The following ACSM2B variants were observed in gnomAD, a reference collection of about 807,000 sequenced individuals.
ACSM2B encodes the protein acyl-coenzyme A synthetase ACSM2B, mitochondrial.
A neutral mutation model predicts 78.6 loss-of-function variants in ACSM2B; 58 were observed. The ratio of observed to expected loss-of-function variants is 0.74; its 90% confidence interval spans 0.60 to 0.92. The LOEUF is 0.92. ACSM2B is among the 40% of genes least tolerant of loss of function. The pLI is 0.00. For missense variants in ACSM2B, 688 were observed against 711.2 expected, an observed-to-expected ratio of 0.97 and a Z score of 0.37; for synonymous variants, 257 against 256.8, an observed-to-expected ratio of 1.00 and a Z score of -0.01.
intron 5 of ACSM2B, among the ~76,000 whole-genome samples, chr16:20,553,177 T>G (rs2015371368): frequency 6.6e-6 from 1 of 152,178 alleles, no homozygotes; most frequent in African/African-American, 2.4e-5. Flanking sequence ...TATCTTCCCA[T>G]TCTAATAATA....
intron 11 of ACSM2B, 51 bp downstream of exon 11, chr16:20,543,084 A>C (rs1486068428): frequency 6.2e-7 from 1 of 1,613,422 alleles, no homozygotes; most frequent in Non-Finnish European, 8.5e-7. Flanking sequence ...GTCTGGAACC[A>C]GCCAGAGTAA....
chr16:20,559,983 CTACT>C (rs2015603164), intron 2 of ACSM2B, among the ~76,000 whole-genome samples: 2 of 150,934 alleles, frequency 1.3e-5, no homozygotes, highest in African/African-American at 5.0e-5. Context: ...TTATCTCTAT[CTACT>C]TACTTTTTTT....
At chr16:20,573,814 G>A (rs562689157) in intron 1 of ACSM2B, among the ~76,000 whole-genome samples, 123 of 152,158 alleles carry the variant, frequency 8.1e-4, no homozygotes, top group Middle Eastern at 6.8e-3. Flanking sequence ...GAGGGTGTAC[G>A]AACAGGGAGT....
rs1322883295 is a variant in ACSM2B, at chr16:20,563,337, T to A, written c.177+1332A>T. On this transcript the variant is annotated intron_variant, in intron 2 of 13. Transcript: ENST00000329697. Reference sequence around the variant, plus strand: ...ATACTTTGCCTGGTTTTATAATGAATTGCACCTTTTTATTCTTGGTTTCTA... The same window carrying A: ...ATACTTTGCCTGGTTTTATAATGAAATGCACCTTTTTATTCTTGGTTTCTA... Among the ~76,000 whole-genome samples, 5 of 152,308 alleles carry A rather than the reference T, an allele frequency of 3.3e-5. No individual in the cohort carries two copies. The East Asian group carries it at 9.7e-4, about 29-fold the overall frequency.
rs2016246179 is a variant in ACSM2B, at chr16:20,576,237, A to T, written c.-39T>A. On this transcript the variant is annotated 5_prime_UTR_variant, in exon 1 of 14. Coordinates refer to ENST00000329697, the MANE Select transcript of ACSM2B (RefSeq NM_001105069.2). The stretch of plus-strand genomic sequence containing the variant: ...AAGTCCTCTCAGGATGTCTTTCTGG[A>T]GAGAGCTTCGTCCACCCTCCTCTCC... The T allele has an allele frequency of 6.6e-6, 1 of 151,824 alleles. No individual in the cohort carries two copies. The highest frequency in any genetic ancestry group is 2.4e-5 in the African/African-American group (1 of 41,054). 9.4% of individuals were successfully genotyped at this position (151,824 alleles called of 1,614,324 possible).
intron 6 of ACSM2B, among the ~76,000 whole-genome samples, chr16:20,551,746 G>T (rs1275710473): frequency 6.6e-6 from 1 of 152,050 alleles, no homozygotes; most frequent in Non-Finnish European, 1.5e-5. Flanking sequence ...AAATAAAAAA[G>T]GAAATGAAAT....
chr16:20,569,388 AT>A (rs1193297003), intron 1 of ACSM2B, among the ~76,000 whole-genome samples: 1 of 151,808 alleles, frequency 6.6e-6, no homozygotes, highest in Middle Eastern at 3.2e-3. Context: ...ATTTGGGTTT[AT>A]TTCTGGGTTC....
intron 2 of ACSM2B, among the ~76,000 whole-genome samples, chr16:20,564,103 A>T (rs1229124841): frequency 6.6e-6 from 1 of 151,896 alleles, no homozygotes; most frequent in African/African-American, 2.4e-5. Context: ...TTCAGTGCTG[A>T]TTTGCCCCCC....
chr16:20,547,556 T>A, intron 8 of ACSM2B: 1 of 982,330 alleles, frequency 1.0e-6, no homozygotes, highest in Non-Finnish European at 1.2e-6. Context: ...TAAATCCACA[T>A]TGTGCACATG....
chr16:20,566,674 TAC>T (rs1345889622), intron 1 of ACSM2B, among the ~76,000 whole-genome samples: 195 of 15,798 alleles, frequency 0.012, 7 homozygotes, highest in Middle Eastern at 0.056. Context: ...ATATAGTATA[TAC>T]ATATAGTATA....
chr16:20,544,559 A>G (rs1457966128), intron 10 of ACSM2B: 1 of 981,618 alleles, frequency 1.0e-6, no homozygotes, highest in African/African-American at 1.7e-5. Flanking sequence ...TTAGTTTATT[A>G]GTCAATTATC....
intron 1 of ACSM2B, among the ~76,000 whole-genome samples, chr16:20,567,804 AG>A (rs2015972179): frequency 7.1e-6 from 1 of 141,222 alleles, no homozygotes; most frequent in African/African-American, 2.6e-5. Context: ...GATATATAAT[AG>A]TATGGTATGT....
chr16:20,562,467 T>C (rs2015691769), intron 2 of ACSM2B, among the ~76,000 whole-genome samples: 1 of 152,204 alleles, frequency 6.6e-6, no homozygotes, highest in Non-Finnish European at 1.5e-5. Flanking sequence ...CCTCACAGCC[T>C]TGCTAATAGA....
chr16:20,560,172 C>A (rs1313997019), intron 2 of ACSM2B, among the ~76,000 whole-genome samples: 2 of 150,930 alleles, frequency 1.3e-5, no homozygotes, highest in African/African-American at 4.9e-5. Flanking sequence ...ACCTGTCATC[C>A]CCTCTCCCAT....
chr16:20,560,626 A>G (rs2015623890), intron 2 of ACSM2B, among the ~76,000 whole-genome samples: 1 of 152,016 alleles, frequency 6.6e-6, no homozygotes, highest in Non-Finnish European at 1.5e-5. Flanking sequence ...TTACAGCAAC[A>G]CAAGAACAGT....
rs373797306 is a variant in ACSM2B at position 20,545,060 on chromosome 16, A to G, written c.1281+97T>C. The G allele has an allele frequency of 2.5e-4, 362 of 1,436,832 alleles. 1 individual carries two copies. The African/African-American group carries it at 2.6e-3, about 10-fold the overall frequency. 89.0% of individuals were successfully genotyped at this position (1,436,832 alleles called of 1,614,324 possible). On this transcript the variant is annotated intron_variant, in intron 10 of 13. Coordinates refer to ENST00000329697, the MANE Select transcript of ACSM2B (RefSeq NM_001105069.2). The stretch of plus-strand genomic sequence containing the variant: ...TGGACACTCTTTGTCTCCATATCTA[A>G]TGCCTCTTGGAAGTTTCAGAACATT...
intron 3 of ACSM2B, 106 bp downstream of exon 3, chr16:20,559,131 C>T: frequency 2.0e-6 from 3 of 1,474,508 alleles, no homozygotes; most frequent in South Asian, 1.4e-5. Context: ...GAGAGGACAG[C>T]ATGCTCCAAG....
At chr16:20,547,835 T>A in intron 8 of ACSM2B, 1 of 1,164,208 alleles carries the variant, frequency 8.6e-7, no homozygotes, top group Non-Finnish European at 1.1e-6. Flanking sequence ...TAGTTTATTG[T>A]CTCTCTCCCC....
chr16:20,540,224 G>C (rs201373334), intron 13 of ACSM2B, among the ~76,000 whole-genome samples: 1 of 77,396 alleles, frequency 1.3e-5, no homozygotes, highest in East Asian at 2.4e-4. Context: ...TTTTTTTTTT[G>C]TTTTTTTTTT....
Sources: allele counts gnomAD v4.1 joint callset (sites outside exome capture counted in the v4.1 genomes callset), GRCh38; gene constraint gnomAD v4.1.1; transcripts MANE v1.5; gene names NCBI Gene and HGNC (gene_info 2026-07-23, HGNC 2026-07-21).